The following BCL7C variants were observed in gnomAD, a reference collection of about 807,000 sequenced individuals.
BCL7C encodes the protein BAF chromatin remodeling complex subunit BCL7C.
BCL7C carries 8 observed loss-of-function variants against 26.2 expected under a neutral mutation model. The ratio of observed to expected loss-of-function variants is 0.30; its 90% confidence interval spans 0.18 to 0.55. BCL7C has a LOEUF of 0.55. BCL7C is among the 20% of genes least tolerant of loss of function. The pLI is 0.93. For synonymous variants in BCL7C, 90 were observed against 116.5 expected, an observed-to-expected ratio of 0.77 and a Z score of 1.47; for missense variants, 262 against 298.5, an observed-to-expected ratio of 0.88 and a Z score of 0.90.
chr16:30,891,808 T>A (rs2055242057), intron 4 of BCL7C, among the ~76,000 whole-genome samples: 1 of 151,580 alleles, frequency 6.6e-6, no homozygotes, highest in South Asian at 2.1e-4. Context: ...CTACAAAAAA[T>A]TTAAGAATTG....
intron 5 of BCL7C, among the ~76,000 whole-genome samples, chr16:30,861,619 T>C (rs2054773412): frequency 6.6e-6 from 1 of 152,140 alleles, no homozygotes; most frequent in Non-Finnish European, 1.5e-5. Flanking sequence ...CTTCCCGGCT[T>C]AGTGGCTGAA....
At chr16:30,889,109 G>A (rs1053471654) in intron 4 of BCL7C, among the ~76,000 whole-genome samples, 164 bp from the exon 5 acceptor site, 3 of 152,206 alleles carry the variant, frequency 2.0e-5, no homozygotes, top group Non-Finnish European at 4.4e-5. Context: ...AAGCAGAGGA[G>A]GGAACACTGA....
chr16:30,843,570 A>C (rs747552793), intron 5 of BCL7C, among the ~76,000 whole-genome samples: 2 of 151,752 alleles, frequency 1.3e-5, no homozygotes, highest in African/African-American at 4.8e-5. Flanking sequence ...CAAAAAACAA[A>C]AAAAAAAAGT....
At chr16:30,884,968 C>T (rs2055108955), downstream of BCL7C, among the ~76,000 whole-genome samples, 1 of 152,176 alleles carries the variant, frequency 6.6e-6, no homozygotes, top group Admixed American at 6.5e-5. Flanking sequence ...TTACAGAACA[C>T]TCTCCTCCCT....
At chr16:30,890,946 T>C (rs1230164499) in intron 4 of BCL7C, among the ~76,000 whole-genome samples, 6 of 150,704 alleles carry the variant, frequency 4.0e-5, no homozygotes, top group Non-Finnish European at 8.9e-5. Flanking sequence ...GATTGTGCCA[T>C]TGCACTCTAG....
chr16:30,843,923 C>T (rs1439216740), intron 5 of BCL7C, among the ~76,000 whole-genome samples: 2 of 151,680 alleles, frequency 1.3e-5, no homozygotes, highest in South Asian at 4.2e-4. Flanking sequence ...GCCTGTAATC[C>T]CAGCTACTTG....
At chr16:30,888,969 T>A (rs769432689) in intron 4 of BCL7C, 24 bp from the exon 5 acceptor site, 8 of 1,608,576 alleles carry the variant, frequency 5.0e-6, no homozygotes, top group Non-Finnish European at 6.8e-6. Context: ...GTAACAAACA[T>A]CCCCTGAACA....
chr16:30,869,400 G>A (rs546189480), intron 5 of BCL7C, among the ~76,000 whole-genome samples: 320 of 151,470 alleles, frequency 2.1e-3, no homozygotes, highest in Middle Eastern at 6.8e-3. Flanking sequence ...TTGTAGAGAT[G>A]AGTTCTCACT....
intron 5 of BCL7C, among the ~76,000 whole-genome samples, chr16:30,844,370 AAAAAG>A (rs1294188399): frequency 1.6e-4 from 24 of 150,704 alleles, no homozygotes; most frequent in South Asian, 1.5e-3. Context: ...AAAAAAAAAA[AAAAAG>A]GGAAAAAACA....
chr16:30,872,511 C>G (rs2054890500), intron 5 of BCL7C, among the ~76,000 whole-genome samples: 1 of 152,212 alleles, frequency 6.6e-6, no homozygotes, highest in South Asian at 2.1e-4. Context: ...GCAGCACTTC[C>G]TGAACTGCGG....
intron 5 of BCL7C, among the ~76,000 whole-genome samples, chr16:30,865,717 CTTTT>C (rs1184320553): frequency 6.1e-5 from 7 of 115,024 alleles, no homozygotes; most frequent in African/African-American, 2.0e-4. Flanking sequence ...ATACATATGG[CTTTT>C]TTTTTCTTTT....
intron 5 of BCL7C, among the ~76,000 whole-genome samples, chr16:30,846,654 C>T (rs903401770): frequency 2.0e-5 from 3 of 152,214 alleles, no homozygotes; most frequent in African/African-American, 4.8e-5. Flanking sequence ...ATCAATAATT[C>T]CTTATGTTAA....
intron 5 of BCL7C, chr16:30,835,203 G>A: frequency 7.2e-7 from 1 of 1,387,452 alleles, no homozygotes. Flanking sequence ...CCACCTCACT[G>A]AGTTTCCACC....
In BCL7C at chr16:30,834,958, T is replaced by G; in HGVS notation, c.719A>C (p.Lys240Thr). Reference sequence around the variant, plus strand: ...GCTTGGGGAGCCCACTCACCTCCCCTTACCCTGGGGGATTGTTCTGGGTGC... The same window carrying G: ...GCTTGGGGAGCCCACTCACCTCCCCGTACCCTGGGGGATTGTTCTGGGTGC... Residue 240 changes from lysine (K) to threonine (T), a missense_variant, in exon 6 of 6, where the codon AAG becomes ACG. By Grantham distance (78) the Lys-to-Thr change is moderately conservative. Transcript: ENST00000380317. The surrounding 1 kb of genome is among the most constrained non-coding windows in gnomAD (Gnocchi z 4.3). 6.5e-7 allele frequency: 1 copy of G among 1,539,680 alleles called. No individual in the cohort carries two copies. The highest frequency in any genetic ancestry group is 8.8e-7 in the Non-Finnish European group (1 of 1,141,672).
chr16:30,837,748 G>T (rs1223305150), intron 5 of BCL7C, among the ~76,000 whole-genome samples: 1 of 152,212 alleles, frequency 6.6e-6, no homozygotes, highest in African/African-American at 2.4e-5. Context: ...AGGGCAGGGG[G>T]TGGTAGCAGG....
chr16:30,879,881 T>C (rs2055016190), intron 5 of BCL7C, among the ~76,000 whole-genome samples: 4 of 151,520 alleles, frequency 2.6e-5, no homozygotes, highest in Admixed American at 2.0e-4. Context: ...TCTCAGCTAC[T>C]TGGGAGGCTG....
chr16:30,865,154 G>A (rs1402698094), intron 5 of BCL7C, among the ~76,000 whole-genome samples: 1 of 144,616 alleles, frequency 6.9e-6, no homozygotes, highest in African/African-American at 2.6e-5. Context: ...CCTGGGCAAC[G>A]GAGCAAGACC....
chr16:30,883,534 GGCTTT>G (rs2055074344), downstream of BCL7C, among the ~76,000 whole-genome samples: 1 of 114,392 alleles, frequency 8.7e-6, no homozygotes, highest in African/African-American at 3.5e-5. Context: ...CAGCCAAACT[GGCTTT>G]TTTTTTTTTT....
chr16:30,893,762 C>A lies in BCL7C; in HGVS notation c.92+91G>T, dbSNP rs978509642. The A allele has an allele frequency of 1.7e-6, 2 of 1,176,084 alleles. No homozygotes were observed. The highest frequency in any genetic ancestry group is 1.5e-5 in the African/African-American group (1 of 65,834). 72.9% of individuals were successfully genotyped at this position (1,176,084 alleles called of 1,614,324 possible). On this transcript the variant is annotated intron_variant, in intron 1 of 5. Coordinates refer to ENST00000215115, the MANE Select transcript of BCL7C (RefSeq NM_004765.4). This position sits in a 1 kb window ranked among gnomAD's most constrained non-coding sequence, Gnocchi z 5.2. The stretch of plus-strand genomic sequence containing the variant: ...CTAGTGGGTGGAGATACACCGAACA[C>A]CCGGGGCCCAGAGCTGGCGAGGGCA...
Sources: allele counts gnomAD v4.1 joint callset (sites outside exome capture counted in the v4.1 genomes callset), GRCh38; gene constraint gnomAD v4.1.1; non-coding constraint Gnocchi (gnomAD v3.1); transcripts MANE v1.5; gene names NCBI Gene and HGNC (gene_info 2026-07-23, HGNC 2026-07-21).